The following TAFA1 variants were observed in gnomAD, a reference collection of about 807,000 sequenced individuals.
The protein encoded by TAFA1 is chemokine-like protein TAFA-1.
TAFA1 carries 4 observed loss-of-function variants against 18.5 expected under a neutral mutation model. The ratio of observed to expected loss-of-function variants is 0.22; its 90% CI spans 0.11 to 0.49. The LOEUF (loss-of-function observed/expected upper bound fraction) is 0.49. TAFA1 is among the 20% of genes least tolerant of loss of function. TAFA1 has a pLI of 0.98. For synonymous variants in TAFA1, 56 were observed against 55.2 expected (o/e 1.01, Z -0.06); for missense variants, 147 against 169.0 (o/e 0.87, Z 0.72).
intron 2 of TAFA1, among the ~76,000 whole-genome samples, chr3:68,055,342 GC>G (rs912740843): frequency 1.3e-5 from 2 of 152,038 alleles, no homozygotes; most frequent in Admixed American, 6.6e-5. Flanking sequence ...TTCTTTGTTT[GC>G]CTTGTATGGT....
intron 2 of TAFA1, among the ~76,000 whole-genome samples, chr3:68,387,757 G>T (rs2070136107): frequency 6.6e-6 from 1 of 152,036 alleles, no homozygotes; most frequent in Admixed American, 6.6e-5. Flanking sequence ...GTACATGTAG[G>T]CTCTAACAGG....
intron 2 of TAFA1, among the ~76,000 whole-genome samples, chr3:68,124,176 A>G (rs2065437047): frequency 6.6e-6 from 1 of 152,198 alleles, no homozygotes; most frequent in Non-Finnish European, 1.5e-5. Context: ...AAAGTTTTAA[A>G]TGTGCTGGCT....
chr3:68,233,406 T>G (rs2066894058), intron 2 of TAFA1, among the ~76,000 whole-genome samples: 1 of 152,214 alleles, frequency 6.6e-6, no homozygotes. Context: ...CCTCAATGTA[T>G]GTTCTTGGTG....
rs368066356 is a variant in TAFA1 at position 68,305,372 on chromosome 3, A to C, written c.119-111908A>C. The stretch of plus-strand genomic sequence containing the variant: ...AATATATAATATATGACTATATATA[A>C]ATGGCTATATATATATGACTATATA... On this transcript the variant is annotated intron_variant, in intron 2 of 4. Transcript: ENST00000478136. Among the ~76,000 whole-genome samples the C allele has an allele frequency of 9.9e-5, 12 of 121,814 alleles. 1 individual carries two copies. In the South Asian group the frequency reaches 3.6e-3, roughly 36 times the overall value. The allele number at this position is 121,814 out of a possible 152,430, so 79.9% of individuals were successfully genotyped here. A position where few individuals can be genotyped will look rare whatever the true frequency, so the allele number is the denominator to read the frequency against.
chr3:68,328,677 C>T (rs907336376), intron 2 of TAFA1, among the ~76,000 whole-genome samples: 2 of 152,110 alleles, frequency 1.3e-5, no homozygotes, highest in Non-Finnish European at 2.9e-5. Flanking sequence ...ATTCTCTTTG[C>T]CTGAGTATCA....
At chr3:68,220,496 A>G (rs969151775) in intron 2 of TAFA1, among the ~76,000 whole-genome samples, 1 of 151,862 alleles carries the variant, frequency 6.6e-6, no homozygotes, top group African/African-American at 2.4e-5. Flanking sequence ...CTTTAGACCT[A>G]CTCATTAGTG....
intron 3 of TAFA1, among the ~76,000 whole-genome samples, chr3:68,507,628 A>G (rs928921306): frequency 6.6e-6 from 1 of 152,112 alleles, no homozygotes; most frequent in African/African-American, 2.4e-5. Context: ...TATATTTTCA[A>G]TAAGACTTGG....
At chr3:68,401,154 T>A (rs1008197188) in intron 2 of TAFA1, among the ~76,000 whole-genome samples, 4 of 152,082 alleles carry the variant, frequency 2.6e-5, no homozygotes, top group Non-Finnish European at 5.9e-5. Flanking sequence ...GTTGTGAATG[T>A]GCTGAAGTGG....
At chr3:68,013,826 A>G (rs773903092) in intron 2 of TAFA1, among the ~76,000 whole-genome samples, 7 of 152,180 alleles carry the variant, frequency 4.6e-5, no homozygotes, top group African/African-American at 1.2e-4. Flanking sequence ...TCCAAAAAAG[A>G]AAAGAAAAAT....
At chr3:68,342,153 G>C (rs1247859747) in intron 2 of TAFA1, among the ~76,000 whole-genome samples, 1 of 152,144 alleles carries the variant, frequency 6.6e-6, no homozygotes, top group South Asian at 2.1e-4. Context: ...GCAAAAATAA[G>C]ATAAAGGGAA....
chr3:68,142,533 T>C (rs950037832), intron 2 of TAFA1, among the ~76,000 whole-genome samples: 3 of 152,214 alleles, frequency 2.0e-5, no homozygotes, highest in African/African-American at 7.2e-5. Context: ...GAAGCCTTTC[T>C]CCAGGTCTCA....
chr3:68,338,040 G>A (rs966631925), intron 2 of TAFA1, among the ~76,000 whole-genome samples: 8 of 152,302 alleles, frequency 5.3e-5, no homozygotes, highest in Admixed American at 1.3e-4. Context: ...GTTGGAGTTC[G>A]TTTAAAGATG....
intron 2 of TAFA1, among the ~76,000 whole-genome samples, chr3:68,252,894 G>C (rs1446019941): frequency 8.5e-5 from 13 of 152,150 alleles, no homozygotes; most frequent in Admixed American, 8.5e-4. Flanking sequence ...CTGTTCTCAT[G>C]ATAGTGAATA....
intron 2 of TAFA1, among the ~76,000 whole-genome samples, chr3:68,258,139 A>G (rs545513906): frequency 5.3e-4 from 80 of 152,296 alleles, no homozygotes; most frequent in African/African-American, 1.8e-3. Context: ...GTTAATAGTA[A>G]TGTGTCAATG....
chr3:68,043,149 G>T (rs1432524554), intron 2 of TAFA1, among the ~76,000 whole-genome samples: 1 of 152,150 alleles, frequency 6.6e-6, no homozygotes, highest in African/African-American at 2.4e-5. Context: ...TGGGAATACA[G>T]GTGTGAGCCA....
chr3:68,224,904 T>C, intron 2 of TAFA1, among the ~76,000 whole-genome samples: 1 of 120,342 alleles, frequency 8.3e-6, no homozygotes, highest in South Asian at 3.2e-4. Context: ...CACTTTTTTT[T>C]TTTTTTTTTT....
chr3:68,107,907 C>T (rs1297680074), intron 2 of TAFA1, among the ~76,000 whole-genome samples: 1 of 152,006 alleles, frequency 6.6e-6, no homozygotes, highest in Non-Finnish European at 1.5e-5. Context: ...ATGGTTCTGC[C>T]CTAGTCATTA....
intron 2 of TAFA1, among the ~76,000 whole-genome samples, chr3:68,364,291 C>G (rs262224): frequency 0.6 from 91,125 of 152,008 alleles, 28,201 homozygotes; most frequent in East Asian, 1. Context: ...TTCCCAGGGA[C>G]AGGCCAGATA....
At chr3:68,112,724 G>A (rs1030823717) in intron 2 of TAFA1, among the ~76,000 whole-genome samples, 1 of 152,030 alleles carries the variant, frequency 6.6e-6, no homozygotes, top group Non-Finnish European at 1.5e-5. Context: ...GGTGATATTA[G>A]CAAGGTTGCT....
Sources: allele counts gnomAD v4.1 joint callset (sites outside exome capture counted in the v4.1 genomes callset), GRCh38; gene constraint gnomAD v4.1.1; transcripts MANE v1.5; gene names NCBI Gene and HGNC (gene_info 2026-07-23, HGNC 2026-07-21).